LACTB2: variants seen among roughly 807,000 people sequenced by gnomAD.
The protein encoded by LACTB2 is endoribonuclease LACTB2.
A neutral mutation model predicts 34.8 loss-of-function variants in LACTB2; 32 were observed. The ratio of observed to expected loss-of-function variants is 0.92; its 90% confidence interval spans 0.69 to 1.24. LACTB2 has a LOEUF of 1.24. LACTB2 is among the 50% of genes most tolerant of loss of function. LACTB2 has a pLI of 0.00. For synonymous variants in LACTB2, 120 were observed against 117.5 expected (o/e 1.02, Z -0.14); for missense variants, 320 against 345.0 (o/e 0.93, Z 0.57).
intron 3 of LACTB2, among the ~76,000 whole-genome samples, chr8:70,650,996 A>G (rs750172133): frequency 1.3e-5 from 2 of 151,994 alleles, no homozygotes; most frequent in Non-Finnish European, 1.5e-5. Flanking sequence ...TCATCTCCCT[A>G]GACAGTGAAA....
intron 3 of LACTB2, among the ~76,000 whole-genome samples, chr8:70,646,932 T>C (rs961420174): frequency 6.6e-6 from 1 of 152,164 alleles, no homozygotes; most frequent in Non-Finnish European, 1.5e-5. Flanking sequence ...AGGACTCTCA[T>C]CTCATTTTCA....
chr8:70,643,898 G>C (rs1818230732), intron 4 of LACTB2, among the ~76,000 whole-genome samples, 167 bp downstream of exon 4: 1 of 152,080 alleles, frequency 6.6e-6, no homozygotes, highest in Admixed American at 6.6e-5. Context: ...TGGTTTGCTA[G>C]GTTTGAAAAA....
intron 3 of LACTB2, among the ~76,000 whole-genome samples, chr8:70,654,309 ATGGCTAAGTGTTTTTG>A (rs1818382197): frequency 6.6e-6 from 1 of 152,168 alleles, no homozygotes; most frequent in African/African-American, 2.4e-5. Context: ...ATATTTGTAT[ATGGCTAAGTGTTTTTG>A]TGAGGGGAGT....
chr8:70,668,914 C>A, intron 1 of LACTB2, 85 bp downstream of exon 1: 1 of 1,526,554 alleles, frequency 6.6e-7, no homozygotes, highest in South Asian at 1.2e-5. Context: ...GCGGCGCTCT[C>A]CACTGCCCGC....
intron 3 of LACTB2, among the ~76,000 whole-genome samples, chr8:70,656,444 T>C (rs2132077359): frequency 6.6e-6 from 1 of 152,346 alleles, no homozygotes; most frequent in Middle Eastern, 3.4e-3. Flanking sequence ...AGGATGTCCT[T>C]TCCCCACTTT....
intron 4 of LACTB2, among the ~76,000 whole-genome samples, chr8:70,641,575 C>G (rs1194148748): frequency 6.6e-6 from 1 of 152,120 alleles, no homozygotes; most frequent in African/African-American, 2.4e-5. Context: ...GTGCTCTTGA[C>G]CATTAGGCTA....
intron 3 of LACTB2, chr8:70,645,977 C>A (rs185798372): frequency 1.7e-4 from 26 of 152,276 alleles, no homozygotes; most frequent in African/African-American, 6.3e-4. Context: ...GTCTTTATAG[C>A]AGCATGATTT....
At chr8:70,656,755 G>T (rs1321485389) in intron 3 of LACTB2, among the ~76,000 whole-genome samples, 9 of 152,180 alleles carry the variant, frequency 5.9e-5, no homozygotes, top group African/African-American at 2.2e-4. Context: ...TGTTGAATTT[G>T]TAGATTGCTT....
chr8:70,660,788 A>AT (rs773067695), intron 2 of LACTB2: 10 of 454,776 alleles, frequency 2.2e-5, no homozygotes, highest in Middle Eastern at 3.2e-4. Context: ...TATCTGATCT[A>AT]TTTTTTTCCC....
At chr8:70,638,481 G>C in intron 6 of LACTB2, 67 bp downstream of exon 6, 1 of 1,448,026 alleles carries the variant, frequency 6.9e-7, no homozygotes, top group Non-Finnish European at 9.2e-7. Context: ...TTCCTCAAAG[G>C]AAACTAAGGC....
chr8:70,657,533 G>A (rs1362731511), intron 3 of LACTB2, among the ~76,000 whole-genome samples: 5 of 150,630 alleles, frequency 3.3e-5, no homozygotes, highest in African/African-American at 1.2e-4. Context: ...CCAGGTTCAA[G>A]CAATCATCTC....
At chr8:70,643,221 T>G (rs1338089054) in intron 4 of LACTB2, among the ~76,000 whole-genome samples, 2 of 98,258 alleles carry the variant, frequency 2.0e-5, no homozygotes, top group East Asian at 4.7e-4. Flanking sequence ...TTTTTTTTTT[T>G]TTTTTTTTTT....
chr8:70,656,641 T>A (rs1011467210), intron 3 of LACTB2, among the ~76,000 whole-genome samples: 5 of 152,222 alleles, frequency 3.3e-5, no homozygotes, highest in Non-Finnish European at 7.3e-5. Context: ...TTCTTTTTGC[T>A]TAGTCTTGCT....
intron 3 of LACTB2, among the ~76,000 whole-genome samples, chr8:70,656,351 A>G (rs1055703508): frequency 3.9e-5 from 6 of 152,060 alleles, no homozygotes; most frequent in Admixed American, 1.3e-4. Context: ...TCTTGAGTTG[A>G]TTTTTGTATA....
At chr8:70,642,797 T>C (rs1260390702) in intron 4 of LACTB2, among the ~76,000 whole-genome samples, 1 of 152,170 alleles carries the variant, frequency 6.6e-6, no homozygotes, top group African/African-American at 2.4e-5. Flanking sequence ...TCTTAGCTCT[T>C]CAGATGAAGG....
chr8:70,642,525 A>G (rs942050473), intron 4 of LACTB2, among the ~76,000 whole-genome samples: 19 of 130,030 alleles, frequency 1.5e-4, no homozygotes, highest in Non-Finnish European at 2.7e-4. Context: ...TTTTTTTGAG[A>G]AGGAGTCTCA....
chr8:70,668,917 C>G, intron 1 of LACTB2, 82 bp downstream of exon 1: 3 of 1,530,800 alleles, frequency 2.0e-6, no homozygotes, highest in Non-Finnish European at 2.6e-6. Flanking sequence ...GCGCTCTCCA[C>G]TGCCCGCGCA....
chr8:70,643,940 G>A (rs1818231220), intron 4 of LACTB2, 125 bp downstream of exon 4: 5 of 956,086 alleles, frequency 5.2e-6, no homozygotes, highest in Non-Finnish European at 5.7e-6. Context: ...TATACCCAGC[G>A]CTTTGGGAGG....
intron 3 of LACTB2, among the ~76,000 whole-genome samples, chr8:70,653,325 C>T (rs1304729808): frequency 6.6e-6 from 1 of 152,134 alleles, no homozygotes; most frequent in African/African-American, 2.4e-5. Flanking sequence ...GTTACCCAGG[C>T]TAGTCTCAAA....
Sources: gnomAD v4.1 joint callset for allele counts (sites outside exome capture counted in the v4.1 genomes callset) on GRCh38, gnomAD v4.1.1 for gene constraint, MANE v1.5 for transcripts, NCBI Gene and HGNC (gene_info 2026-07-23, HGNC 2026-07-21) for gene names.